The following ANGPTL6 variants were observed in gnomAD, a reference collection of about 807,000 sequenced individuals.
ANGPTL6 encodes the protein angiopoietin-related protein 6.
In ANGPTL6, 45 loss-of-function variants were observed where a neutral mutation model predicts 47.4. The ratio of observed to expected loss-of-function variants is 0.95; its 90% CI spans 0.75 to 1.22. The LOEUF is 1.22. Among genes scored for constraint, ANGPTL6 ranks in the 50% most tolerant of loss-of-function variants. The pLI is 0.00. For missense variants in ANGPTL6, 698 were observed against 669.4 expected, an observed-to-expected ratio of 1.04 and a Z score of -0.47; for synonymous variants, 290 against 295.9, an observed-to-expected ratio of 0.98 and a Z score of 0.20.
Position 10,093,395 on chromosome 19 carries a change from A to G in ANGPTL6, c.1176T>C (p.Asn392=). The change falls in exon 5 of 6, where the codon AAT becomes AAC. Residue 392 remains asparagine, a synonymous_variant. Coordinates refer to ENST00000253109, the MANE Select transcript of ANGPTL6 (RefSeq NM_031917.3). The part of the protein sequence containing the change: ...GDAGDSLSWH[N]DKPFSTVDRD... ...TATCCACGGTGCTGAAGGGCTTGTCATTGTGCCAGGAAAGAGAGTCTCCAG... is the reference window on the plus strand; with the variant it reads ...TATCCACGGTGCTGAAGGGCTTGTCGTTGTGCCAGGAAAGAGAGTCTCCAG... 1 of 1,614,110 alleles carries G rather than the reference A, an allele frequency of 6.2e-7. No individual in the cohort carries two copies. The highest frequency in any genetic ancestry group is 1.1e-5 in the South Asian group (1 of 91,080).
chr19:10,099,258 G>C (rs2088618696), intron 1 of ANGPTL6, among the ~76,000 whole-genome samples: 1 of 152,114 alleles, frequency 6.6e-6, no homozygotes, highest in African/African-American at 2.4e-5. Flanking sequence ...CTCCTTTAGA[G>C]GAAAAGCCCA....
intron 5 of ANGPTL6, 107 bp downstream of exon 5, chr19:10,093,242 T>C: frequency 7.1e-7 from 1 of 1,407,536 alleles, no homozygotes; most frequent in Non-Finnish European, 9.7e-7. Flanking sequence ...TGCTTATCCT[T>C]ATACTTACCA....
upstream of ANGPTL6, among the ~76,000 whole-genome samples, chr19:10,103,604 T>TAA (rs1204625331): frequency 3.1e-5 from 1 of 32,776 alleles, no homozygotes; most frequent in African/African-American, 4.2e-4. Context: ...CAAAAATAAA[T>TAA]AAATAAATAA....
intron 2 of ANGPTL6, 31 bp downstream of exon 2, chr19:10,095,951 A>G: frequency 1.6e-6 from 2 of 1,235,638 alleles, no homozygotes; most frequent in Non-Finnish European, 2.1e-6. Flanking sequence ...TTCACAGACG[A>G]TGCTGCTCTC....
chr19:10,101,133 C>A (rs961549725), intron 1 of ANGPTL6, among the ~76,000 whole-genome samples: 4 of 152,042 alleles, frequency 2.6e-5, no homozygotes, highest in African/African-American at 9.7e-5. Context: ...CACTTGAACC[C>A]GGAAGGCAGA....
intron 3 of ANGPTL6, among the ~76,000 whole-genome samples, chr19:10,094,088 C>T (rs1424162440): frequency 1.3e-5 from 2 of 152,190 alleles, no homozygotes; most frequent in African/African-American, 2.4e-5. Context: ...GCTCCAATAG[C>T]CATTTCTTTA....
chr19:10,092,748 C>A lies in ANGPTL6; in HGVS notation c.1254G>T (p.Trp418Cys). Residue 418 changes from tryptophan (W) to cysteine (C), a missense_variant, in exon 6 of 6, where the codon TGG becomes TGT. By Grantham distance (215) the Trp-to-Cys change is radical. Transcript: ENST00000253109. ...TGGAGTGGGCACAGGCATGGTACCA[C>A]CAGCCTCCCCGCTGGTACAGGGCAC... ...GNCALYQRGG[W>C]WYHACAHSNL... 1 of 1,609,738 alleles carries A rather than the reference C, an allele frequency of 6.2e-7. No homozygotes were observed. Among genetic ancestry groups the A allele is most frequent in the Non-Finnish European group, 8.5e-7 (1 of 1,176,536 alleles).
chr19:10,094,636 T>A, intron 3 of ANGPTL6, 122 bp downstream of exon 3: 2 of 1,256,626 alleles, frequency 1.6e-6, no homozygotes, highest in Non-Finnish European at 2.3e-6. Context: ...TTGGTCTTAT[T>A]TTTAATCAGA....
Position 10,092,745 on chromosome 19 carries a change from C to A in ANGPTL6, c.1257G>T (p.Trp419Cys), listed in dbSNP as rs760328366. 2.5e-6 allele frequency: 4 copies of A among 1,609,996 alleles called. No individual in the cohort carries two copies. The highest frequency in any genetic ancestry group is 3.4e-6 in the Non-Finnish European group (4 of 1,176,746). Residue 419 changes from tryptophan (W) to cysteine (C), a missense_variant, in exon 6 of 6, where the codon TGG (tryptophan) becomes TGT (cysteine). By Grantham distance (215) the Trp-to-Cys change is radical. Transcript: ENST00000253109. ...GGTTGGAGTGGGCACAGGCATGGTA[C>A]CACCAGCCTCCCCGCTGGTACAGGG... ...NCALYQRGGWWYHACAHSNLN... is the reference protein window; with the variant it reads ...NCALYQRGGWCYHACAHSNLN...
chr19:10,103,877 G>A (rs1169736606), upstream of ANGPTL6, among the ~76,000 whole-genome samples: 9 of 150,412 alleles, frequency 6.0e-5, no homozygotes, highest in East Asian at 3.9e-4. Flanking sequence ...GGCAGATCAC[G>A]AGGTCAGCAA....
intron 1 of ANGPTL6, among the ~76,000 whole-genome samples, chr19:10,101,888 G>A (rs945087271): frequency 6.7e-6 from 1 of 148,732 alleles, no homozygotes; most frequent in Non-Finnish European, 1.5e-5. Context: ...GGTGGATCAC[G>A]GGGTCAGGAG....
intron 3 of ANGPTL6, 77 bp downstream of exon 3, chr19:10,094,681 G>T: frequency 6.5e-7 from 1 of 1,549,014 alleles, no homozygotes; most frequent in Non-Finnish European, 8.9e-7. Flanking sequence ...TTCTCACAAT[G>T]AGAGAAATCT....
intron 5 of ANGPTL6, 101 bp downstream of exon 5, chr19:10,093,248 T>C (rs1017957563): frequency 7.0e-7 from 1 of 1,438,736 alleles, no homozygotes; most frequent in African/African-American, 1.4e-5. Flanking sequence ...TCCTTATACT[T>C]ACCAGAGGGG....
chr19:10,096,009 G>A lies in ANGPTL6; in HGVS notation c.555C>T (p.Cys185=). The A allele has an allele frequency of 1.5e-6, 2 of 1,358,278 alleles. No homozygotes were observed. Among genetic ancestry groups the A allele is most frequent in the South Asian group, 1.8e-5 (1 of 54,256 alleles). 84.1% of individuals were successfully genotyped at this position (1,358,278 alleles called of 1,614,324 possible). The part of the protein sequence containing the change: ...SSLIARLERL[C]PGGAGGQQQV... ...GCTGCTGCCCGCCCGCGCCTCCCGG[G>A]CACAGGCGCTCCAGGCGGGCGATGA... is the stretch of plus-strand genomic sequence containing the variant. Residue 185 remains cysteine, a synonymous_variant, in exon 2 of 6, where the codon TGC becomes TGT. Transcript: ENST00000253109.
chr19:10,092,405 C>A lies in ANGPTL6; in HGVS notation c.*184G>T. ...GATATGAATGACCTTGGGGAGCCAT[C>A]TGAGGCCAAGATATTGACGGGGGGG... On this transcript the variant is annotated 3_prime_UTR_variant, in exon 6 of 6. Coordinates refer to ENST00000253109, the MANE Select transcript of ANGPTL6 (RefSeq NM_031917.3). 1 of 1,519,606 alleles carries A rather than the reference C, an allele frequency of 6.6e-7. No individual in the cohort carries two copies. Among genetic ancestry groups the A allele is most frequent in the Non-Finnish European group, 8.8e-7 (1 of 1,136,830 alleles). The allele number at this position is 1,519,606 out of a possible 1,614,324, so 94.1% of individuals were successfully genotyped here.
Position 10,094,683 on chromosome 19 carries a change from G to A in ANGPTL6, c.763+75C>T. 3.2e-6 allele frequency: 5 copies of A among 1,562,718 alleles called. No homozygotes were observed. In the South Asian group the frequency reaches 3.3e-5, roughly 10 times the overall value. ...ATTTCTTCTGGTCTTCTCACAATGA[G>A]AGAAATCTGCCACTAAAATCCTGAC... is the stretch of plus-strand genomic sequence containing the variant. On this transcript the variant is annotated intron_variant, in intron 3 of 5. Coordinates refer to ENST00000253109, the MANE Select transcript of ANGPTL6 (RefSeq NM_031917.3).
intron 1 of ANGPTL6, among the ~76,000 whole-genome samples, chr19:10,096,931 CAAAAA>C (rs59730305): frequency 8.4e-6 from 1 of 118,738 alleles, no homozygotes; most frequent in Non-Finnish European, 1.7e-5. Context: ...CCTGTCTCTA[CAAAAA>C]AAAAAAAAAA....
rs967214296 is a variant in ANGPTL6, at chr19:10,092,605, C to T, written c.1397G>A (p.Arg466Gln). ...AACACAGAGTCACAGCTTCAGGGGC[C>T]GAATGAGCATGGCGGCCTTCCTGAG... ...YSLRKAAMLIRPLKL is the reference protein window; with the variant it reads ...YSLRKAAMLIQPLKL The change falls in exon 6 of 6, where the codon CGG (arginine) becomes CAG (glutamine). Residue 466 changes from arginine to glutamine, a missense_variant. Physicochemically the swap from Arg to Gln is conservative, Grantham distance 43. Transcript: ENST00000253109. 9 of 1,607,130 alleles carry T rather than the reference C, an allele frequency of 5.6e-6. No homozygotes were observed. The highest frequency in any genetic ancestry group is 4.0e-5 in the African/African-American group (3 of 74,814).
chr19:10,096,312 C>T lies in ANGPTL6; in HGVS notation c.252G>A (p.Ala84=), dbSNP rs1192823835. ...ELLRELQRLA[A]ADGAVAGEVR... is the part of the protein sequence containing the mutation. The stretch of plus-strand genomic sequence containing the variant: ...CCTCGCCGGCCACGGCGCCGTCGGC[C>T]GCCGCCAGCCTCTGCAGCTCGCGTA... Residue 84 remains alanine, a synonymous_variant, in exon 2 of 6, where the codon GCG becomes GCA. Transcript: ENST00000253109. The T allele has an allele frequency of 5.6e-6, 7 of 1,243,616 alleles. No homozygotes were observed. In the Admixed American group the frequency reaches 1.3e-4, roughly 22 times the overall value. The allele number at this position is 1,243,616 out of a possible 1,614,324, so 77.0% of individuals were successfully genotyped here. A position where few individuals can be genotyped will look rare whatever the true frequency, so the allele number is the denominator to read the frequency against.
Sources: allele counts gnomAD v4.1 joint callset (sites outside exome capture counted in the v4.1 genomes callset), GRCh38; gene constraint gnomAD v4.1.1; transcripts MANE v1.5; gene names NCBI Gene and HGNC (gene_info 2026-07-23, HGNC 2026-07-21).